DLC1: variants seen among roughly 807,000 people sequenced by gnomAD.
DLC1 encodes the protein DLC1 Rho GTPase activating protein.
DLC1 carries 54 observed loss-of-function variants against 140.3 expected under a neutral mutation model. That is an observed-to-expected ratio of 0.38 (90% CI 0.31 to 0.48). The LOEUF (loss-of-function observed/expected upper bound fraction) is 0.48. DLC1 is among the 20% of genes least tolerant of loss of function. The pLI, the probability that DLC1 is intolerant of heterozygous loss-of-function variation, is 0.96. For missense variants in DLC1, 2,536 were observed against 1,907.0 expected, an observed-to-expected ratio of 1.33 and a Z score of -6.14; for synonymous variants, 986 against 728.1, an observed-to-expected ratio of 1.35 and a Z score of -5.70.
intron 3 of DLC1, among the ~76,000 whole-genome samples, chr8:13,397,333 C>G (rs950643868): frequency 6.6e-6 from 1 of 151,870 alleles, no homozygotes; most frequent in Non-Finnish European, 1.5e-5. Context: ...GGAAGAGGAG[C>G]CACTGAAGGG....
At chr8:13,295,938 C>CTTTTTTTTTTTTT (rs34697767) in intron 5 of DLC1, among the ~76,000 whole-genome samples, 2 of 53,344 alleles carry the variant, frequency 3.7e-5, no homozygotes, top group Non-Finnish European at 7.4e-5. Flanking sequence ...AGATAAGATT[C>CTTTTTTTTTTTTT]TTTGTTTTTT....
chr8:13,453,517 T>TATATATATGTATATATATACAC (rs1166906258), intron 2 of DLC1, among the ~76,000 whole-genome samples: 5 of 26,534 alleles, frequency 1.9e-4, no homozygotes, highest in Non-Finnish European at 3.0e-4. Flanking sequence ...TATATATACA[T>TATATATATGTATATATATACAC]ATATATATAT....
rs893507513 is a variant in DLC1 at position 13,276,318 on chromosome 8, G to A, written c.1348+28951C>T. 2.6e-6 allele frequency: 4 copies of A among 1,535,472 alleles called. No homozygotes were observed. In the African/African-American group the frequency reaches 5.5e-5, roughly 21 times the overall value. ...AATGACATCCAGGGCTCTGGCCGTG[G>A]AGTCCCTGATGTGATCGCTAAAGGA... On this transcript the variant is annotated intron_variant, in intron 5 of 17. Transcript: ENST00000276297.
rs1982691 is a variant in DLC1, at chr8:13,599,039, C to T, written c.-126+5498G>A. ...ATTTAACTAAGGTACCAAAGAAGAACGCAAAAGGAAGTAGCAGAAGTAAAT... is the reference window on the plus strand; with the variant it reads ...ATTTAACTAAGGTACCAAAGAAGAATGCAAAAGGAAGTAGCAGAAGTAAAT... On this transcript the variant is annotated intron_variant, in intron 1 of 1. Transcript: ENST00000631382. 1.3e-4 allele frequency among the ~76,000 whole-genome samples: 19 copies of T among 151,532 alleles called. No homozygotes were observed. In the South Asian group the frequency reaches 1.5e-3, roughly 12 times the overall value.
intron 5 of DLC1, among the ~76,000 whole-genome samples, chr8:13,161,557 G>C (rs571683201): frequency 1.3e-5 from 2 of 152,242 alleles, no homozygotes; most frequent in South Asian, 2.1e-4. Context: ...CGCTGGTCTT[G>C]AATTCTTGGC....
Position 13,205,896 on chromosome 8 carries a change from C to A in DLC1, c.1349-90239G>T, listed in dbSNP as rs1827638649. On this transcript the variant is annotated intron_variant, in intron 5 of 17. Transcript: ENST00000276297. ...ACATTTCTCTGAGTCCTATTAGGAA[C>A]TATTGATGTTTTGACAATCTAATCA... 2.0e-5 allele frequency among the ~76,000 whole-genome samples: 3 copies of A among 152,156 alleles called. No homozygotes were observed. In the South Asian group the frequency reaches 6.2e-4, roughly 32 times the overall value.
intron 5 of DLC1, among the ~76,000 whole-genome samples, chr8:13,275,259 T>G (rs1012716038): frequency 1.3e-5 from 2 of 152,208 alleles, no homozygotes; most frequent in African/African-American, 4.8e-5. Context: ...ACACTTTAAA[T>G]TTCCCCTCTT....
At chr8:13,369,286 C>G (rs998618983) in intron 4 of DLC1, among the ~76,000 whole-genome samples, 5 of 144,168 alleles carry the variant, frequency 3.5e-5, no homozygotes, top group Non-Finnish European at 1.5e-5. Flanking sequence ...CTAATAGATT[C>G]ATTCTTTCTA....
chr8:13,416,819 C>T (rs1459102882), intron 2 of DLC1, among the ~76,000 whole-genome samples: 1 of 152,118 alleles, frequency 6.6e-6, no homozygotes. Context: ...GCCTGGGAAC[C>T]TGCCCTTTGT....
intron 2 of DLC1, among the ~76,000 whole-genome samples, chr8:13,435,109 A>C (rs1170338944): frequency 1.3e-5 from 2 of 152,232 alleles, no homozygotes; most frequent in African/African-American, 4.8e-5. Flanking sequence ...GATACCACTA[A>C]GAGAATTCAT....
In DLC1 at chr8:13,369,423, T is replaced by C. The variant is rs573040421; in HGVS notation, c.1314+24130A>G. 4.6e-5 allele frequency among the ~76,000 whole-genome samples: 7 copies of C among 152,260 alleles called. No individual in the cohort carries two copies. The East Asian group carries it at 9.6e-4, about 21-fold the overall frequency. ...CATGAGAGGCTGCTTTTTCTTTTGT[T>C]GTTAAATCACATGGGCAATTTTCGG... On this transcript the variant is annotated intron_variant, in intron 4 of 17. Transcript: ENST00000276297.
At chr8:13,582,548 C>G (rs879449635) in intron 1 of DLC1, among the ~76,000 whole-genome samples, 3 of 151,974 alleles carry the variant, frequency 2.0e-5, no homozygotes, top group African/African-American at 7.3e-5. Context: ...TCTCCCATGC[C>G]GGATGCTTCC....
At chr8:13,579,164 A>G (rs1179882756) in intron 1 of DLC1, among the ~76,000 whole-genome samples, 2 of 146,134 alleles carry the variant, frequency 1.4e-5, no homozygotes. Context: ...ACCAGGGGTC[A>G]AAGAACAAAT....
At chr8:13,325,449 TAC>T (rs1554497506) in intron 4 of DLC1, among the ~76,000 whole-genome samples, 2,536 of 38,258 alleles carry the variant, frequency 0.066, 42 homozygotes, top group African/African-American at 0.11. Context: ...TAGTTCTGTA[TAC>T]ACACACACAC....
intron 1 of DLC1, among the ~76,000 whole-genome samples, chr8:13,539,185 G>GTGTA (rs375105687): frequency 8.4e-4 from 127 of 151,474 alleles, no homozygotes; most frequent in African/African-American, 1.9e-3. Flanking sequence ...GTATGTATGT[G>GTGTA]TGTATGTATG....
At chr8:13,432,035 TCTC>T (rs1838902899) in intron 2 of DLC1, among the ~76,000 whole-genome samples, 1 of 152,172 alleles carries the variant, frequency 6.6e-6, no homozygotes, top group Non-Finnish European at 1.5e-5. Flanking sequence ...CTCTATCAAA[TCTC>T]CTGTTGAAAA....
chr8:13,595,526 C>T (rs1367797760), intron 1 of DLC1, among the ~76,000 whole-genome samples: 1 of 151,992 alleles, frequency 6.6e-6, no homozygotes, highest in South Asian at 2.1e-4. Flanking sequence ...GAGATAAATA[C>T]CAGATAAATG....
chr8:13,478,474 C>A (rs1462497743), intron 2 of DLC1, among the ~76,000 whole-genome samples: 3 of 152,198 alleles, frequency 2.0e-5, no homozygotes, highest in African/African-American at 4.8e-5. Context: ...TCTTCACCTT[C>A]TCTCCTGTTC....
intron 5 of DLC1, among the ~76,000 whole-genome samples, chr8:13,188,389 C>T (rs1194467503): frequency 5.9e-5 from 7 of 118,808 alleles, no homozygotes; most frequent in Non-Finnish European, 9.8e-5. Context: ...CACTGCACTC[C>T]AGCCTGGGTG....
Sources: gnomAD v4.1 joint callset for allele counts (sites outside exome capture counted in the v4.1 genomes callset) on GRCh38, gnomAD v4.1.1 for gene constraint, MANE v1.5 for transcripts, NCBI Gene and HGNC (gene_info 2026-07-23, HGNC 2026-07-21) for gene names.